The following SH3RF2 variants were observed in gnomAD, a reference collection of about 807,000 sequenced individuals.
The protein encoded by SH3RF2 is SH3 domain containing ring finger 2.
A neutral mutation model predicts 59.0 loss-of-function variants in SH3RF2; 43 were observed. The observed-to-expected ratio is 0.73, with a 90% confidence interval of 0.57 to 0.94. The LOEUF is 0.94. Among genes scored for constraint, SH3RF2 ranks in the 40% least tolerant of loss-of-function variants. The pLI is 0.00. For missense variants in SH3RF2, 930 were observed against 940.1 expected (o/e 0.99, Z 0.14); for synonymous variants, 391 against 391.5 (o/e 1.00, Z 0.01).
rs557910441 is a variant in SH3RF2 at position 146,006,254 on chromosome 5, T to C, written c.744+2101T>C. Among the ~76,000 whole-genome samples the C allele has an allele frequency of 1.4e-4, 22 of 152,074 alleles. 3 individuals carry two copies. Among genetic ancestry groups the C allele is most frequent in the African/African-American group, 5.1e-4 (21 of 41,466 alleles). ...CTTGGGCAACATAGTGAGACTCCCA[T>C]CTCTACAGAAAATTTAAAAACTAGC... On this transcript the variant is annotated intron_variant, in intron 4 of 9. Transcript: ENST00000359120.
chr5:145,973,652 T>G (rs1386207141), intron 2 of SH3RF2, among the ~76,000 whole-genome samples: 1 of 152,240 alleles, frequency 6.6e-6, no homozygotes, highest in Non-Finnish European at 1.5e-5. Context: ...TTGAGCCCAT[T>G]CAACCAAACT....
At chr5:146,064,492 A>G (rs1561772843), downstream of SH3RF2, among the ~76,000 whole-genome samples, 2 of 149,692 alleles carry the variant, frequency 1.3e-5, no homozygotes, top group Admixed American at 6.7e-5. Context: ...ATGCCCATCA[A>G]TGTGGGCACT....
rs540309015 is a variant in SH3RF2, at chr5:145,992,743, G to A, written c.379-7315G>A. Among the ~76,000 whole-genome samples the A allele has an allele frequency of 1.5e-4, 23 of 152,088 alleles. 1 individual carries two copies. The highest frequency in any genetic ancestry group is 2.9e-5 in the Non-Finnish European group (2 of 68,028). ...AACAGCACAGGAAAGACTTGCCCCTGTGATTCAATTACCTCCCACTGGGTC... is the reference window on the plus strand; with the variant it reads ...AACAGCACAGGAAAGACTTGCCCCTATGATTCAATTACCTCCCACTGGGTC... On this transcript the variant is annotated intron_variant, in intron 2 of 9. Transcript: ENST00000359120.
intron 5 of SH3RF2, among the ~76,000 whole-genome samples, chr5:146,041,813 C>T (rs1357710679): frequency 6.6e-6 from 1 of 152,132 alleles, no homozygotes; most frequent in Non-Finnish European, 1.5e-5. Flanking sequence ...CATCTGTAGT[C>T]CCAGCCACTC....
intron 2 of SH3RF2, among the ~76,000 whole-genome samples, chr5:145,958,891 G>A (rs1045462324): frequency 6.6e-6 from 1 of 152,176 alleles, no homozygotes; most frequent in Admixed American, 6.5e-5. Context: ...GTTTTACAGC[G>A]TGGCCTGTTT....
At chr5:146,076,439 C>T (rs1414898930) in intron 9 of SH3RF2, among the ~76,000 whole-genome samples, 1 of 152,230 alleles carries the variant, frequency 6.6e-6, no homozygotes, top group Non-Finnish European at 1.5e-5. Flanking sequence ...GGCAGACCGC[C>T]TTCCTTTTGA....
chr5:146,070,404 G>A lies in SH3RF2; in HGVS notation c.*33+7670G>A, dbSNP rs544870476. ...GCTGTCCAACAAGTAGGGGTGAGAA[G>A]TAAGATAACTGAGAGTTTTATGCAC... On this transcript the variant is annotated intron_variant, in intron 9 of 9. Coordinates refer to the SH3RF2 transcript ENST00000511217. Among the ~76,000 whole-genome samples, 3 of 152,302 alleles carry A rather than the reference G, an allele frequency of 2.0e-5. No homozygotes were observed. The South Asian group carries it at 6.2e-4, about 32-fold the overall frequency.
In SH3RF2 at chr5:146,047,817, G is replaced by T. The variant is rs1257512088; in HGVS notation, c.1105G>T (p.Ala369Ser). 5 of 1,613,982 alleles carry T rather than the reference G, an allele frequency of 3.1e-6. No individual in the cohort carries two copies. In the African/African-American group the frequency reaches 6.7e-5, roughly 22 times the overall value. Residue 369 changes from alanine (A) to serine (S), a missense_variant, in exon 6 of 10, where the codon GCC (alanine) becomes TCC (serine). By Grantham distance (99) the Ala-to-Ser change is moderately conservative. Transcript: ENST00000359120. Reference protein sequence around the residue: ...PAPVSPGHSTAVVSLPGSQQH... With the variant: ...PAPVSPGHSTSVVSLPGSQQH... ...ACCTGTCTCTCCAGGACATTCCACA[G>T]CCGTGGTCAGTCTGCCTGGCTCCCA...
chr5:145,971,944 G>A (rs1759100345), intron 2 of SH3RF2, among the ~76,000 whole-genome samples: 4 of 152,078 alleles, frequency 2.6e-5, no homozygotes, highest in African/African-American at 9.7e-5. Flanking sequence ...CTAGTTCTAA[G>A]CATGGTACAT....
intron 8 of SH3RF2, among the ~76,000 whole-genome samples, chr5:146,057,142 C>T (rs1467577355): frequency 2.0e-5 from 3 of 152,188 alleles, no homozygotes; most frequent in Non-Finnish European, 2.9e-5. Flanking sequence ...AACATGAAAA[C>T]GCAATAGGAT....
intron 2 of SH3RF2, among the ~76,000 whole-genome samples, chr5:145,979,583 C>A (rs772604847): frequency 6.6e-6 from 1 of 152,128 alleles, no homozygotes; most frequent in South Asian, 2.1e-4. Context: ...GCAGAAATAC[C>A]CCATCATGGC....
At chr5:145,970,494 A>G (rs1052894708) in intron 2 of SH3RF2, among the ~76,000 whole-genome samples, 2 of 152,168 alleles carry the variant, frequency 1.3e-5, no homozygotes, top group African/African-American at 4.8e-5. Flanking sequence ...GTACATATAT[A>G]CCACATTTTC....
At position 146,013,849 on chromosome 5, in the gene SH3RF2, T is replaced by C. The variant is rs770183451; in HGVS notation, c.847T>C (p.Ser283Pro). 5.6e-6 allele frequency: 9 copies of C among 1,614,030 alleles called. No individual in the cohort carries two copies. The change falls in exon 5 of 10, where the codon TCT becomes CCT. Residue 283 changes from serine (S) to proline (P), a missense_variant. Ser to Pro is a moderately conservative substitution (Grantham distance 74, BLOSUM62 -1). Coordinates refer to ENST00000359120, the MANE Select transcript of SH3RF2 (RefSeq NM_152550.4). ...LVSSSSRGNT[S>P]TLRRGPGSRR... The stretch of plus-strand genomic sequence containing the variant: ...GTCCTCGTCCTCCAGAGGCAACACG[T>C]CTACCCTCCGTAGGGGCCCAGGGTC...
intron 5 of SH3RF2, among the ~76,000 whole-genome samples, chr5:146,025,911 G>A (rs906050417): frequency 6.6e-6 from 1 of 152,202 alleles, no homozygotes; most frequent in Non-Finnish European, 1.5e-5. Flanking sequence ...CTCCTTCCAT[G>A]CAGGGTCTTG....
chr5:145,969,207 T>A (rs1162070742), intron 2 of SH3RF2, among the ~76,000 whole-genome samples: 1 of 152,168 alleles, frequency 6.6e-6, no homozygotes, highest in Admixed American at 6.5e-5. Flanking sequence ...ATAGAGGCTA[T>A]GAAAAGGAAT....
chr5:145,958,856 G>A (rs949682609), intron 2 of SH3RF2, among the ~76,000 whole-genome samples: 2 of 152,262 alleles, frequency 1.3e-5, no homozygotes, highest in South Asian at 2.1e-4. Flanking sequence ...TTGGAAACAC[G>A]AACACATCCA....
intron 9 of SH3RF2, among the ~76,000 whole-genome samples, chr5:146,070,733 T>C (rs1040609031): frequency 1.3e-5 from 2 of 152,202 alleles, no homozygotes; most frequent in Non-Finnish European, 2.9e-5. Context: ...CTTCCAGTGT[T>C]CCTTGCTGGT....
chr5:145,966,985 C>T (rs1370215011), intron 2 of SH3RF2, among the ~76,000 whole-genome samples: 1 of 152,132 alleles, frequency 6.6e-6, no homozygotes, highest in Non-Finnish European at 1.5e-5. Context: ...CACACCACTG[C>T]ACTCCAACCT....
At chr5:146,003,532 T>A (rs879506303) in intron 3 of SH3RF2, among the ~76,000 whole-genome samples, 4 of 152,272 alleles carry the variant, frequency 2.6e-5, no homozygotes, top group Non-Finnish European at 5.9e-5. Flanking sequence ...ATCTTTATTG[T>A]GGTAAAATAT....
Sources: gnomAD v4.1 joint callset for allele counts (sites outside exome capture counted in the v4.1 genomes callset) on GRCh38, gnomAD v4.1.1 for gene constraint, MANE v1.5 for transcripts, NCBI Gene and HGNC (gene_info 2026-07-23, HGNC 2026-07-21) for gene names.